HDX: variants seen among roughly 807,000 people sequenced by gnomAD.
HDX encodes chromosome X open reading frame 43.
HDX carries 19 observed loss-of-function variants against 45.2 expected under a neutral mutation model. That is an observed-to-expected ratio of 0.42 (90% CI 0.29 to 0.62). The LOEUF is 0.62. Ranked by LOEUF, HDX falls within the 20% of genes least tolerant of loss-of-function variation. HDX has a pLI of 0.20. For synonymous variants in HDX, 188 were observed against 172.8 expected (o/e 1.09, Z -0.69); for missense variants, 532 against 493.9 (o/e 1.08, Z -0.73).
chrX:84,444,693 C>T (rs948934780), intron 4 of HDX, among the ~76,000 whole-genome samples: 5 of 111,041 alleles, frequency 4.5e-5, no homozygotes, highest in East Asian at 2.8e-4. Flanking sequence ...GGATACACAA[C>T]GAAAATAATG....
At chrX:84,498,721 TAATAA>T (rs2041059799) in intron 1 of HDX, among the ~76,000 whole-genome samples, 2 of 111,373 alleles carry the variant, frequency 1.8e-5, no homozygotes, top group African/African-American at 3.3e-5. Context: ...GAGTGTGTTT[TAATAA>T]AATATCTAAA....
intron 5 of HDX, among the ~76,000 whole-genome samples, chrX:84,420,220 C>T (rs996637316): frequency 4.5e-5 from 5 of 111,844 alleles, no homozygotes; most frequent in African/African-American, 9.7e-5. Flanking sequence ...TTAAAACACT[C>T]GTGTTAACTA....
chrX:84,405,144 A>G (rs1158905806), intron 5 of HDX, among the ~76,000 whole-genome samples: 5 of 110,887 alleles, frequency 4.5e-5, no homozygotes, highest in Non-Finnish European at 7.6e-5. Context: ...ACATCAATCT[A>G]TCTAATTACC....
At chrX:84,376,226 C>G (rs916500230) in intron 5 of HDX, among the ~76,000 whole-genome samples, 1 of 112,357 alleles carries the variant, frequency 8.9e-6, no homozygotes, top group Non-Finnish European at 1.9e-5. Flanking sequence ...GAATAGCTAG[C>G]AGCAATATCC....
chrX:84,334,592 TTGA>T (rs2036915167), intron 8 of HDX, among the ~76,000 whole-genome samples: 1 of 106,375 alleles, frequency 9.4e-6, no homozygotes, highest in South Asian at 4.2e-4. Flanking sequence ...CAGTTCAGCG[TTGA>T]TGAAAAAAAA....
At chrX:84,361,279 G>A (rs763575540) in intron 6 of HDX, among the ~76,000 whole-genome samples, 187 bp downstream of exon 6, 3 of 111,346 alleles carry the variant, frequency 2.7e-5, no homozygotes, top group Non-Finnish European at 5.7e-5. Flanking sequence ...TTATTGACTT[G>A]TAAGTGTTCT....
At chrX:84,413,743 A>G (rs1443744850) in intron 5 of HDX, among the ~76,000 whole-genome samples, 3 of 111,802 alleles carry the variant, frequency 2.7e-5, no homozygotes, top group African/African-American at 9.7e-5. Flanking sequence ...TTGTGGTTTT[A>G]AATAATATTC....
intron 4 of HDX, among the ~76,000 whole-genome samples, chrX:84,447,505 CACTT>C (rs2039898751): frequency 9.0e-6 from 1 of 111,263 alleles, no homozygotes; most frequent in African/African-American, 3.3e-5. Flanking sequence ...TGCCTCAACT[CACTT>C]AGGCCCTGAA....
At chrX:84,424,818 T>G (rs2039348438) in intron 5 of HDX, among the ~76,000 whole-genome samples, 2 of 110,998 alleles carry the variant, frequency 1.8e-5, no homozygotes, top group African/African-American at 6.6e-5. Context: ...AATCAAGGAT[T>G]GAATACTTAA....
intron 5 of HDX, among the ~76,000 whole-genome samples, chrX:84,419,337 A>G (rs1211816436): frequency 2.7e-5 from 3 of 111,150 alleles, no homozygotes; most frequent in African/African-American, 9.8e-5. Context: ...GCCAGGCAGC[A>G]TTCACCACAA....
intron 5 of HDX, among the ~76,000 whole-genome samples, chrX:84,436,837 T>G (rs1379635939): frequency 9.0e-6 from 1 of 111,313 alleles, no homozygotes; most frequent in Admixed American, 9.6e-5. Flanking sequence ...CTGGGATTTT[T>G]TTTTTTTTGT....
intron 5 of HDX, among the ~76,000 whole-genome samples, chrX:84,406,469 TACACACACACACACAC>T (rs369018765): frequency 1.2e-5 from 1 of 86,534 alleles, no homozygotes; most frequent in African/African-American, 4.3e-5. Context: ...TAATCTCACA[TACACACACACACACAC>T]ACACACACAC....
At chrX:84,479,965 T>A (rs748444831) in intron 2 of HDX, among the ~76,000 whole-genome samples, 1 of 111,688 alleles carries the variant, frequency 9.0e-6, no homozygotes, top group South Asian at 3.7e-4. Flanking sequence ...ATCAGAAATA[T>A]GATTTCCAAT....
intron 7 of HDX, 59 bp downstream of exon 7, chrX:84,344,191 A>G: frequency 1.1e-6 from 1 of 910,363 alleles, no homozygotes; most frequent in Non-Finnish European, 1.6e-6. Flanking sequence ...CTGAAAATCA[A>G]GTACAAAATG....
Position 84,494,629 on chromosome X carries a change from T to C in HDX, c.-109-6497A>G, listed in dbSNP as rs147418041. ...GTAACATTATATAAACATACACATA[T>C]ATAGTGTAGAAACAACATACAAACA... On this transcript the variant is annotated intron_variant, in intron 1 of 10. Transcript: ENST00000373177. Among the ~76,000 whole-genome samples the C allele has an allele frequency of 9.1e-4, 102 of 111,725 alleles. 1 individual carries two copies. The highest frequency in any genetic ancestry group is 2.9e-3 in the African/African-American group (88 of 30,741).
intron 5 of HDX, among the ~76,000 whole-genome samples, chrX:84,373,301 G>C (rs754439051): frequency 5.4e-5 from 6 of 110,876 alleles, no homozygotes; most frequent in Non-Finnish European, 1.1e-4. Context: ...AATCTGTTAG[G>C]GAATGTGGGT....
At position 84,350,003 on chromosome X, in the gene HDX, G is replaced by C. The variant is rs1246003719; in HGVS notation, c.1453-5546C>G. On this transcript the variant is annotated intron_variant, in intron 6 of 10. Transcript: ENST00000373177. ...GAGTGACAGGTACACTCAAAGCCCAGACTTCACCACCACACAATATATGTG... is the reference window on the plus strand; with the variant it reads ...GAGTGACAGGTACACTCAAAGCCCACACTTCACCACCACACAATATATGTG... Among the ~76,000 whole-genome samples the C allele has an allele frequency of 3.6e-5, 4 of 109,872 alleles. 1 individual carries two copies. In the Admixed American group the frequency reaches 3.9e-4, roughly 11 times the overall value.
chrX:84,469,090 T>C lies in HDX; in HGVS notation c.633A>G (p.Gln211=), dbSNP rs1446622950. The change falls in exon 4 of 11, where the codon CAA becomes CAG. Residue 211 remains glutamine, a synonymous_variant. Transcript: ENST00000373177. ...SVQASEMTVP[Q]KPSVCHRPCK... is the part of the protein sequence containing the mutation. ...AAGGTCGGTGGCACACAGAAGGCTT[T>C]TGAGGTACTGTCATTTCAGAAGCTT... is the stretch of plus-strand genomic sequence containing the variant. The C allele has an allele frequency of 1.7e-6, 2 of 1,211,823 alleles. No individual in the cohort carries two copies. Among genetic ancestry groups the C allele is most frequent in the Non-Finnish European group, 2.2e-6 (2 of 895,481 alleles).
chrX:84,403,281 A>T (rs2038746521), intron 5 of HDX, among the ~76,000 whole-genome samples: 1 of 111,645 alleles, frequency 9.0e-6, no homozygotes, highest in South Asian at 3.7e-4. Flanking sequence ...AAATAAAAAT[A>T]AAGGTTAAAT....
Sources: gnomAD v4.1 joint callset for allele counts (sites outside exome capture counted in the v4.1 genomes callset) on GRCh38, gnomAD v4.1.1 for gene constraint, MANE v1.5 for transcripts, NCBI Gene and HGNC (gene_info 2026-07-23, HGNC 2026-07-21) for gene names.